VAT1L: variants seen among roughly 807,000 people sequenced by gnomAD.
VAT1L encodes putative NADPH-dependent quinone oxidoreductase VAT1L.
A neutral mutation model predicts 44.1 loss-of-function variants in VAT1L; 34 were observed. The ratio of observed to expected loss-of-function variants is 0.77; its 90% CI spans 0.59 to 1.03. The LOEUF is 1.03. VAT1L is among the 50% of genes least tolerant of loss of function. The probability of loss-of-function intolerance (pLI) is 0.00; values close to 1 mark genes in which losing one functional copy is unlikely to be tolerated. For synonymous variants in VAT1L, 253 were observed against 202.2 expected, an observed-to-expected ratio of 1.25 and a Z score of -2.13; for missense variants, 615 against 538.8, an observed-to-expected ratio of 1.14 and a Z score of -1.40.
intron 3 of VAT1L, among the ~76,000 whole-genome samples, chr16:77,843,748 G>T (rs1384085004): frequency 6.6e-6 from 1 of 152,144 alleles, no homozygotes; most frequent in Admixed American, 6.6e-5. Context: ...GATACAAACT[G>T]GTCCCTGATA....
intron 3 of VAT1L, among the ~76,000 whole-genome samples, chr16:77,830,440 A>G (rs1432015982): frequency 6.6e-6 from 1 of 152,032 alleles, no homozygotes; most frequent in Non-Finnish European, 1.5e-5. Flanking sequence ...CCAAAATCTC[A>G]TCTTGAATTA....
chr16:77,830,467 C>T lies in VAT1L; in HGVS notation c.579+5006C>T, dbSNP rs2016567333. On this transcript the variant is annotated intron_variant, in intron 3 of 8. Coordinates refer to ENST00000302536, the MANE Select transcript of VAT1L (RefSeq NM_020927.3). The stretch of plus-strand genomic sequence containing the variant: ...CTTGAATTATGGCTCCCATAATTCC[C>T]ACATGTTGTGGGAGGGACCCAGTGG... Among the ~76,000 whole-genome samples, 10 of 152,238 alleles carry T rather than the reference C, an allele frequency of 6.6e-5. 1 individual carries two copies. The highest frequency in any genetic ancestry group is 5.9e-4 in the Admixed American group (9 of 15,300).
chr16:77,789,028 C>T lies in VAT1L; in HGVS notation c.233+113C>T, dbSNP rs915648096. The T allele has an allele frequency of 4.0e-6, 5 of 1,256,168 alleles. No homozygotes were observed. The South Asian group carries it at 4.8e-5, about 12-fold the overall frequency. The allele number at this position is 1,256,168 out of a possible 1,614,324, so 77.8% of individuals were successfully genotyped here. A position where few individuals can be genotyped will look rare whatever the true frequency, so the allele number is the denominator to read the frequency against. ...CCGGGTAGAACCGCCGCGCGCACCCCCTCCGCGCCCTCACCCGGGTCTCAG... is the reference window on the plus strand; with the variant it reads ...CCGGGTAGAACCGCCGCGCGCACCCTCTCCGCGCCCTCACCCGGGTCTCAG... On this transcript the variant is annotated intron_variant, in intron 1 of 8. Coordinates refer to ENST00000302536, the MANE Select transcript of VAT1L (RefSeq NM_020927.3).
chr16:77,865,027 G>A (rs911136411), intron 4 of VAT1L, among the ~76,000 whole-genome samples: 5 of 142,758 alleles, frequency 3.5e-5, no homozygotes, highest in Non-Finnish European at 7.5e-5. Flanking sequence ...AGGCTGGAGT[G>A]CGGTGGTGCA....
intron 3 of VAT1L, among the ~76,000 whole-genome samples, chr16:77,859,050 G>A (rs569649167): frequency 2.6e-5 from 4 of 151,832 alleles, no homozygotes; most frequent in South Asian, 2.1e-4. Context: ...CAGGAGAATC[G>A]CTTGAACACA....
chr16:77,964,423 G>A (rs1428657180), intron 7 of VAT1L, among the ~76,000 whole-genome samples: 2 of 151,882 alleles, frequency 1.3e-5, no homozygotes, highest in African/African-American at 2.4e-5. Flanking sequence ...CTTGCTTCAC[G>A]GTCCCCCCAG....
At chr16:77,831,315 T>C (rs1402033353) in intron 3 of VAT1L, among the ~76,000 whole-genome samples, 1 of 152,156 alleles carries the variant, frequency 6.6e-6, no homozygotes, top group Non-Finnish European at 1.5e-5. Context: ...AGAGAGGAGA[T>C]GAGGCAGAGA....
intron 3 of VAT1L, among the ~76,000 whole-genome samples, chr16:77,838,574 C>T (rs899740551): frequency 6.6e-6 from 1 of 152,096 alleles, no homozygotes; most frequent in Non-Finnish European, 1.5e-5. Context: ...TTTGAGCACT[C>T]CCTGCCCCTC....
chr16:77,796,956 C>T (rs541091743), intron 1 of VAT1L, among the ~76,000 whole-genome samples: 5 of 152,146 alleles, frequency 3.3e-5, no homozygotes, highest in African/African-American at 7.2e-5. Context: ...GAATAATAGA[C>T]ACTGGAGGCT....
At chr16:77,875,698 A>C (rs2017080526) in intron 4 of VAT1L, among the ~76,000 whole-genome samples, 1 of 152,202 alleles carries the variant, frequency 6.6e-6, no homozygotes, top group South Asian at 2.1e-4. Flanking sequence ...TCTACTCCAC[A>C]ACCTCCCATT....
At chr16:77,906,663 C>G (rs947483335) in intron 7 of VAT1L, among the ~76,000 whole-genome samples, 2 of 152,156 alleles carry the variant, frequency 1.3e-5, no homozygotes, top group Admixed American at 6.5e-5. Context: ...TCAAAACTGT[C>G]TTCCTGAAAA....
intron 4 of VAT1L, among the ~76,000 whole-genome samples, chr16:77,871,942 G>C (rs17717944): frequency 0.084 from 12,796 of 152,098 alleles, 769 homozygotes; most frequent in East Asian, 0.23. Flanking sequence ...CCAACCAAAA[G>C]ACTTGAAGGT....
At chr16:77,815,302 T>A (rs927184735) in intron 1 of VAT1L, among the ~76,000 whole-genome samples, 2 of 152,236 alleles carry the variant, frequency 1.3e-5, no homozygotes, top group Admixed American at 1.3e-4. Flanking sequence ...TGGCAGCACA[T>A]ATTTTTGAAT....
At chr16:77,963,467 C>T (rs4887926) in intron 7 of VAT1L, among the ~76,000 whole-genome samples, 48,941 of 151,914 alleles carry the variant, frequency 0.32, 8,133 homozygotes, top group Middle Eastern at 0.37. Flanking sequence ...GCAGCCCTGC[C>T]GGAGCCTTGA....
chr16:77,875,608 G>C (rs2017079513), intron 4 of VAT1L, among the ~76,000 whole-genome samples: 1 of 152,176 alleles, frequency 6.6e-6, no homozygotes, highest in South Asian at 2.1e-4. Context: ...GAGTGAGTGA[G>C]TGAATCAATG....
chr16:77,875,934 G>A (rs754097117), intron 4 of VAT1L, among the ~76,000 whole-genome samples: 2 of 150,750 alleles, frequency 1.3e-5, no homozygotes, highest in Non-Finnish European at 3.0e-5. Context: ...ACCTTGAACA[G>A]AACCAGGCAA....
intron 7 of VAT1L, among the ~76,000 whole-genome samples, chr16:77,907,486 C>A (rs2017450735): frequency 6.6e-6 from 1 of 152,172 alleles, no homozygotes; most frequent in African/African-American, 2.4e-5. Flanking sequence ...GCCCTAGGCA[C>A]CAGGCCTGCC....
chr16:77,802,906 C>A (rs895300015), intron 1 of VAT1L, among the ~76,000 whole-genome samples: 1 of 152,084 alleles, frequency 6.6e-6, no homozygotes, highest in Non-Finnish European at 1.5e-5. Flanking sequence ...ATCAAGCAGG[C>A]CTTTGATCTT....
intron 2 of VAT1L, among the ~76,000 whole-genome samples, chr16:77,817,428 G>A (rs1429404955): frequency 6.6e-6 from 1 of 152,206 alleles, no homozygotes; most frequent in African/African-American, 2.4e-5. Flanking sequence ...CAGAAGTGTA[G>A]AGGAAATGGA....
Sources: allele counts gnomAD v4.1 joint callset (sites outside exome capture counted in the v4.1 genomes callset), GRCh38; gene constraint gnomAD v4.1.1; transcripts MANE v1.5; gene names NCBI Gene and HGNC (gene_info 2026-07-23, HGNC 2026-07-21).